The following ZNF585A variants were observed in gnomAD, a reference collection of about 807,000 sequenced individuals.
ZNF585A encodes zinc finger protein 585A.
In ZNF585A, 9 loss-of-function variants were observed where a neutral mutation model predicts 14.9. That is an observed-to-expected ratio of 0.60 (90% CI 0.36 to 1.05). The LOEUF is 1.05. ZNF585A is among the 50% of genes least tolerant of loss of function. The probability of loss-of-function intolerance (pLI) is 0.01; values close to 1 mark genes in which losing one functional copy is unlikely to be tolerated. For missense variants in ZNF585A, 726 were observed against 926.4 expected, an observed-to-expected ratio of 0.78 and a Z score of 2.81; for synonymous variants, 276 against 319.9, an observed-to-expected ratio of 0.86 and a Z score of 1.46.
Position 37,147,319 on chromosome 19 carries a change from A to C in ZNF585A, c.*4270T>G, listed in dbSNP as rs1486040981. 6.6e-6 allele frequency: 1 copy of C among 152,278 alleles called. No homozygotes were observed. The highest frequency in any genetic ancestry group is 1.5e-5 in the Non-Finnish European group (1 of 68,072). The allele number at this position is 152,278 out of a possible 1,614,324, so 9.4% of individuals were successfully genotyped here. On this transcript the variant is annotated 3_prime_UTR_variant, in exon 5 of 5. Coordinates refer to ENST00000292841, the MANE Select transcript of ZNF585A (RefSeq NM_001288800.2). ...GGAAAGCAAGATGCACGGGCACTGG[A>C]GAAGCAGAGCACTCTCAGAACAGTC...
chr19:37,151,097 G>A lies in ZNF585A; in HGVS notation c.*492C>T. ...GGGTTGGATATGACCAACTGTGGTAGATTCGAATGAGAAAGAAAAACACCC... is the reference window on the plus strand; with the variant it reads ...GGGTTGGATATGACCAACTGTGGTAAATTCGAATGAGAAAGAAAAACACCC... On this transcript the variant is annotated 3_prime_UTR_variant, in exon 5 of 5. Coordinates refer to ENST00000292841, the MANE Select transcript of ZNF585A (RefSeq NM_001288800.2). The A allele has an allele frequency of 2.9e-6, 1 of 350,582 alleles. No individual in the cohort carries two copies. Among genetic ancestry groups the A allele is most frequent in the Non-Finnish European group, 5.1e-6 (1 of 196,414 alleles). 21.7% of individuals were successfully genotyped at this position (350,582 alleles called of 1,614,324 possible).
chr19:37,154,029 C>T (rs150191346), intron 4 of ZNF585A, among the ~76,000 whole-genome samples: 31 of 152,232 alleles, frequency 2.0e-4, no homozygotes, highest in African/African-American at 6.5e-4. Context: ...ATCTAAACTC[C>T]GCTCAAATGA....
chr19:37,168,410 A>G (rs1343221571), intron 2 of ZNF585A, among the ~76,000 whole-genome samples: 2 of 152,184 alleles, frequency 1.3e-5, no homozygotes, highest in African/African-American at 4.8e-5. Context: ...CCAACAGCAA[A>G]CAAGACCAAT....
chr19:37,156,710 G>A (rs776802968), intron 2 of ZNF585A, among the ~76,000 whole-genome samples: 19 of 149,818 alleles, frequency 1.3e-4, no homozygotes, highest in East Asian at 3.9e-4. Flanking sequence ...TTTTTCTTCC[G>A]AAACAGAGTC....
chr19:37,166,351 G>A (rs1161715328), intron 2 of ZNF585A, among the ~76,000 whole-genome samples: 1 of 130,572 alleles, frequency 7.7e-6, no homozygotes, highest in East Asian at 2.3e-4. Context: ...TCTCGCTCTC[G>A]CTCTGTCCCC....
In ZNF585A at chr19:37,151,058, G is replaced by T; in HGVS notation, c.*531C>A. 3.5e-6 allele frequency: 1 copy of T among 285,816 alleles called. No individual in the cohort carries two copies. 17.7% of individuals were successfully genotyped at this position (285,816 alleles called of 1,614,324 possible). On this transcript the variant is annotated 3_prime_UTR_variant, in exon 5 of 5. Transcript: ENST00000292841. ...TTTTTGTAGCATCTCTTTCTTGATA[G>T]AAATACTGAATGAGGGTTGGATATG... is the stretch of plus-strand genomic sequence containing the variant.
chr19:37,169,420 C>T (rs779660932), intron 2 of ZNF585A, among the ~76,000 whole-genome samples: 7 of 144,588 alleles, frequency 4.8e-5, no homozygotes, highest in South Asian at 2.2e-4. Flanking sequence ...AACCAATATC[C>T]GAAAAACAGA....
Position 37,149,341 on chromosome 19 carries a change from A to AT in ZNF585A, c.*2247dup, listed in dbSNP as rs993526126. The AT allele has an allele frequency of 5.3e-5, 8 of 152,246 alleles. No individual in the cohort carries two copies. The highest frequency in any genetic ancestry group is 8.8e-5 in the Non-Finnish European group (6 of 68,046). 9.4% of individuals were successfully genotyped at this position (152,246 alleles called of 1,614,324 possible). ...CTCTAAAAAATAAAGCCTTCCGTATATACGGGTATATGCATATACATATAC... is the reference window on the plus strand; with the variant it reads ...CTCTAAAAAATAAAGCCTTCCGTATATTACGGGTATATGCATATACATATAC... On this transcript the variant is annotated 3_prime_UTR_variant, in exon 5 of 5. Coordinates refer to ENST00000292841, the MANE Select transcript of ZNF585A (RefSeq NM_001288800.2).
chr19:37,157,825 T>C (rs868535626), intron 2 of ZNF585A, among the ~76,000 whole-genome samples: 27 of 147,006 alleles, frequency 1.8e-4, no homozygotes, highest in Middle Eastern at 3.2e-3. Context: ...ATCAGATTTA[T>C]ATGTAAATTT....
rs375962026 is a variant in ZNF585A at position 37,153,021 on chromosome 19, G to T, written c.878C>A (p.Thr293Asn). ...THLIAHRRIH[T>N]GEKPYECSNC... The stretch of plus-strand genomic sequence containing the variant: ...ACTGCACTCATATGGTTTTTCTCCA[G>T]TATGAATTCTTCGGTGTGCAATCAA... Residue 293 changes from threonine (T) to asparagine (N), a missense_variant, in exon 5 of 5, where the codon ACT becomes AAT. This residue lies in a region of ZNF585A where 483 missense variants were observed against 542.8 expected (regional missense o/e 0.89). Coordinates refer to ENST00000292841, the MANE Select transcript of ZNF585A (RefSeq NM_001288800.2). The T allele has an allele frequency of 6.8e-6, 11 of 1,614,088 alleles. No homozygotes were observed. Among genetic ancestry groups the T allele is most frequent in the Non-Finnish European group, 9.3e-6 (11 of 1,180,038 alleles).
At chr19:37,171,462 T>A (rs1182393283) in intron 1 of ZNF585A, among the ~76,000 whole-genome samples, 1 of 152,214 alleles carries the variant, frequency 6.6e-6, no homozygotes, top group Non-Finnish European at 1.5e-5. Flanking sequence ...TAGATATAAT[T>A]TTCCCTCAAA....
In ZNF585A at chr19:37,150,257, T is replaced by C. The variant is rs781173565; in HGVS notation, c.*1332A>G. On this transcript the variant is annotated 3_prime_UTR_variant, in exon 5 of 5. Transcript: ENST00000292841. ...TTGAGGGCATTCCCACATGCTGTGT[T>C]AGGGACAGTTAGATACTGCTAGGTG... The C allele has an allele frequency of 2.0e-5, 3 of 152,142 alleles. No homozygotes were observed. The highest frequency in any genetic ancestry group is 4.4e-5 in the Non-Finnish European group (3 of 68,034). The allele number at this position is 152,142 out of a possible 1,614,324, so 9.4% of individuals were successfully genotyped here. A position where few individuals can be genotyped will look rare whatever the true frequency, so the allele number is the denominator to read the frequency against.
chr19:37,147,678 A>T lies in ZNF585A; in HGVS notation c.*3911T>A, dbSNP rs1256384465. 2.0e-5 allele frequency: 3 copies of T among 152,220 alleles called. No individual in the cohort carries two copies. The highest frequency in any genetic ancestry group is 4.8e-5 in the African/African-American group (2 of 41,458). 9.4% of individuals were successfully genotyped at this position (152,220 alleles called of 1,614,324 possible). A position where few individuals can be genotyped will look rare whatever the true frequency, so the allele number is the denominator to read the frequency against. Reference sequence around the variant, plus strand: ...TAAATATTACAATATGCTATATAACATACTGTAGACACAATTTTCTATAGT... The same window carrying T: ...TAAATATTACAATATGCTATATAACTTACTGTAGACACAATTTTCTATAGT... On this transcript the variant is annotated 3_prime_UTR_variant, in exon 5 of 5. Transcript: ENST00000292841.
chr19:37,153,654 G>T, intron 4 of ZNF585A, 48 bp from the exon 5 acceptor site: 2 of 1,401,574 alleles, frequency 1.4e-6, no homozygotes, highest in Non-Finnish European at 1.9e-6. Context: ...TTTATCATTT[G>T]GTAATCTTTT....
chr19:37,163,959 T>A (rs570054894), intron 2 of ZNF585A, among the ~76,000 whole-genome samples: 1 of 152,276 alleles, frequency 6.6e-6, no homozygotes, highest in East Asian at 1.9e-4. Flanking sequence ...AAGGCATATC[T>A]GGAGTTGCCA....
At chr19:37,167,191 T>C (rs1212646890) in intron 2 of ZNF585A, among the ~76,000 whole-genome samples, 1 of 152,018 alleles carries the variant, frequency 6.6e-6, no homozygotes, top group Non-Finnish European at 1.5e-5. Context: ...TGTTTTGTTT[T>C]TGACATGGAG....
At chr19:37,154,075 G>T (rs1282654102) in intron 4 of ZNF585A, among the ~76,000 whole-genome samples, 1 of 152,196 alleles carries the variant, frequency 6.6e-6, no homozygotes, top group East Asian at 1.9e-4. Context: ...ACAGCTAGCA[G>T]AGGCTAGGGG....
In ZNF585A at chr19:37,148,279, T is replaced by A. The variant is rs559043451; in HGVS notation, c.*3310A>T. On this transcript the variant is annotated 3_prime_UTR_variant, in exon 5 of 5. Coordinates refer to ENST00000292841, the MANE Select transcript of ZNF585A (RefSeq NM_001288800.2). ...TCCTGATAATTAAAGATGTTGAGCA[T>A]CTTTTCATCACCTTATTTTCCATTT... 3 of 152,336 alleles carry A rather than the reference T, an allele frequency of 2.0e-5. No homozygotes were observed. Among genetic ancestry groups the A allele is most frequent in the East Asian group, 1.9e-4 (1 of 5,184 alleles). The allele number at this position is 152,336 out of a possible 1,614,324, so 9.4% of individuals were successfully genotyped here.
chr19:37,155,369 G>T (rs1346573454), intron 4 of ZNF585A, among the ~76,000 whole-genome samples: 5 of 151,850 alleles, frequency 3.3e-5, no homozygotes, highest in Non-Finnish European at 7.4e-5. Flanking sequence ...GACAAAGGTC[G>T]GCCAGGCGCA....
Sources: allele counts gnomAD v4.1 joint callset (sites outside exome capture counted in the v4.1 genomes callset), GRCh38; gene constraint gnomAD v4.1.1; regional missense constraint gnomAD v4.1.1; transcripts MANE v1.5; gene names NCBI Gene and HGNC (gene_info 2026-07-23, HGNC 2026-07-21).